Variants in SARS2 observed in about 807,000 individuals in gnomAD.
The protein encoded by SARS2 is serine--tRNA ligase, mitochondrial.
Under a neutral mutation model 66.8 loss-of-function variants are expected in SARS2, and 52 were observed. The observed-to-expected ratio is 0.78, with a 90% CI of 0.62 to 0.98. The LOEUF (loss-of-function observed/expected upper bound fraction) is 0.98, where lower values mean the gene tolerates loss of function less well. SARS2 is among the 50% of genes least tolerant of loss of function. SARS2 has a pLI of 0.00. For missense variants in SARS2, 673 were observed against 706.3 expected (o/e 0.95, Z 0.53); for synonymous variants, 306 against 281.4 (o/e 1.09, Z -0.87).
rs112422782 is a variant in SARS2 at position 38,926,075 on chromosome 19, C to T, written c.363+130G>A. The T allele has an allele frequency of 0.013, 10,665 of 795,538 alleles. 711 individuals carry two copies. In the African/African-American group the frequency reaches 0.15, roughly 11 times the overall value. The allele number at this position is 795,538 out of a possible 1,614,324, so 49.3% of individuals were successfully genotyped here. On this transcript the variant is annotated intron_variant, in intron 2 of 15. Transcript: ENST00000221431. ...AGCTGATCCACCAACCTAGGCCTCC[C>T]GAGTAGCTGGGATTATAGGCGTGAG...
intron 14 of SARS2, 25 bp downstream of exon 14, chr19:38,916,012 G>A (rs535198999): frequency 4.2e-5 from 67 of 1,612,352 alleles, no homozygotes; most frequent in South Asian, 4.4e-5. Context: ...GAGGGCACGC[G>A]GGCAGGAGGC....
intron 8 of SARS2, 67 bp from the exon 9 acceptor site, chr19:38,918,597 CA>C: frequency 1.4e-6 from 2 of 1,406,616 alleles, no homozygotes; most frequent in Non-Finnish European, 1.0e-6. Context: ...TTTACAGTCC[CA>C]ACCCCAGCTC....
intron 2 of SARS2, among the ~76,000 whole-genome samples, chr19:38,922,655 T>C (rs1974558318): frequency 6.6e-6 from 1 of 152,106 alleles, no homozygotes; most frequent in South Asian, 2.1e-4. Flanking sequence ...GGAAGGGACC[T>C]GGTGGGAGGT....
At position 38,921,425 on chromosome 19, in the gene SARS2, C is replaced by G. The variant is rs756223714; in HGVS notation, c.556G>C (p.Ala186Pro). 3 of 1,613,966 alleles carry G rather than the reference C, an allele frequency of 1.9e-6. No individual in the cohort carries two copies. The highest frequency in any genetic ancestry group is 2.2e-5 in the East Asian group (1 of 44,882). ...PDVPVGDESQ[A>P]RVLHMVGDKP... ...TCTCCGACCATGTGGAGCACTCGAG[C>G]CTGGCTCTCATCCCCGACGGGCTGC... Residue 186 changes from alanine (A) to proline (P), a missense_variant, in exon 5 of 16, where the codon GCT becomes CCT. Physicochemically the swap from Ala to Pro is conservative, Grantham distance 27 (BLOSUM62 -1). Coordinates refer to ENST00000221431, the MANE Select transcript of SARS2 (RefSeq NM_017827.4).
chr19:38,915,279 T>G lies in SARS2; in HGVS notation c.*327A>C. The G allele has an allele frequency of 3.7e-5, 18 of 491,554 alleles. No individual in the cohort carries two copies. Among genetic ancestry groups the G allele is most frequent in the Non-Finnish European group, 3.6e-5 (10 of 278,414 alleles). The allele number at this position is 491,554 out of a possible 1,614,324, so 30.4% of individuals were successfully genotyped here. A position where few individuals can be genotyped will look rare whatever the true frequency, so the allele number is the denominator to read the frequency against. On this transcript the variant is annotated 3_prime_UTR_variant, in exon 16 of 16. Transcript: ENST00000221431. ...TCCACAGAGGCCTTTGTCCTGACCA[T>G]TTATTGGGGACTTTTTGCTCAGCAC...
At position 38,920,156 on chromosome 19, in the gene SARS2, G is replaced by A; in HGVS notation, c.590-7C>T. 3.9e-6 allele frequency: 6 copies of A among 1,557,670 alleles called. No individual in the cohort carries two copies. The highest frequency in any genetic ancestry group is 2.4e-5 in the East Asian group (1 of 41,718). On this transcript the variant is annotated splice_polypyrimidine_tract_variant and splice_region_variant and intron_variant, in intron 5 of 15. Transcript: ENST00000221431. ...CGAGGTTGGAAGGAGAAAACTGGATGTGGGTGAAAAGCACCGGTGTAAGGC... is the reference window on the plus strand; with the variant it reads ...CGAGGTTGGAAGGAGAAAACTGGATATGGGTGAAAAGCACCGGTGTAAGGC...
At chr19:38,922,102 C>T in intron 3 of SARS2, 136 bp downstream of exon 3, 2 of 1,600,548 alleles carry the variant, frequency 1.2e-6, no homozygotes, top group South Asian at 2.2e-5. Context: ...TAGTTTCATG[C>T]ATCAATAGAG....
chr19:38,920,111 C>A lies in SARS2; in HGVS notation c.628G>T (p.Glu210Ter), dbSNP rs867710443. The change falls in exon 6 of 16, where the codon GAG becomes TAG. Residue 210 changes from glutamate (E) to a stop codon, truncating the protein, a stop_gained. Transcript: ENST00000221431. LOFTEE classifies it high-confidence loss of function. ...TTCTGACGGATGATGTCGAGTTTCT[C>A]GCCAATTTCCAGGTGGCCCCGAGGT... ...FQPRGHLEIG[E>*]KLDIIRQKRL... 1 of 1,562,272 alleles carries A rather than the reference C, an allele frequency of 6.4e-7. No individual in the cohort carries two copies. Among genetic ancestry groups the A allele is most frequent in the South Asian group, 1.2e-5 (1 of 84,736 alleles).
intron 1 of SARS2, among the ~76,000 whole-genome samples, chr19:38,929,282 T>C (rs1423944897): frequency 2.0e-5 from 3 of 150,648 alleles, no homozygotes; most frequent in East Asian, 3.9e-4. Flanking sequence ...AGTCTGGGTG[T>C]GGTGGCTCAT....
At position 38,918,096 on chromosome 19, in the gene SARS2, G is replaced by A. The variant is rs758199702; in HGVS notation, c.960C>T (p.Val320=). 3.1e-6 allele frequency: 5 copies of A among 1,605,638 alleles called. No individual in the cohort carries two copies. The highest frequency in any genetic ancestry group is 4.3e-6 in the Non-Finnish European group (5 of 1,176,398). The change falls in exon 10 of 16, where the codon GTC becomes GTT. Residue 320 remains valine (V), a splice_region_variant and synonymous_variant. Coordinates refer to ENST00000221431, the MANE Select transcript of SARS2 (RefSeq NM_017827.4). Reference sequence around the variant, plus strand: ...GGTCTAAGGAAACCAGGTGTCACCTGACTGGCAGGTCCCTGAAGGCCACGG... The same window carrying A: ...GGTCTAAGGAAACCAGGTGTCACCTAACTGGCAGGTCCCTGAAGGCCACGG... ...DHTVAFRDLP[V]RMVCSSTCYR...
intron 8 of SARS2, 34 bp from the exon 9 acceptor site, chr19:38,918,564 G>A (rs779662704): frequency 1.3e-6 from 2 of 1,535,982 alleles, no homozygotes; most frequent in Admixed American, 1.7e-5. Flanking sequence ...GGGATCAGGG[G>A]ACAGGTAACC....
intron 7 of SARS2, among the ~76,000 whole-genome samples, chr19:38,919,071 G>A (rs1198543302): frequency 6.6e-6 from 1 of 152,078 alleles, no homozygotes; most frequent in African/African-American, 2.4e-5. Flanking sequence ...TAGCCGGCAT[G>A]GAGATCGTGC....
rs752525142 is a variant in SARS2 at position 38,915,670 on chromosome 19, A to G, written c.1493T>C (p.Leu498Pro). Residue 498 changes from leucine (L) to proline (P), a missense_variant, in exon 16 of 16, where the codon CTC (leucine) becomes CCC (proline). Transcript: ENST00000221431. ...GGGCTGGTTGGGGCCGATGTACTGGAGAGGCACGTGGGTAGGGGCTGTGAT... is the reference window on the plus strand; with the variant it reads ...GGGCTGGTTGGGGCCGATGTACTGGGGAGGCACGTGGGTAGGGGCTGTGAT... ...DRITAPTHVP[L>P]QYIGPNQPRK... is the part of the protein sequence containing the mutation. The G allele has an allele frequency of 1.2e-5, 19 of 1,613,318 alleles. No homozygotes were observed. In the Admixed American group the frequency reaches 3.0e-4, roughly 25 times the overall value.
intron 5 of SARS2, among the ~76,000 whole-genome samples, chr19:38,920,874 GAC>G (rs1243564760): frequency 6.8e-5 from 10 of 148,066 alleles, no homozygotes; most frequent in African/African-American, 1.5e-4. Context: ...CAGATACATA[GAC>G]ACACACAGAC....
intron 2 of SARS2, among the ~76,000 whole-genome samples, chr19:38,925,410 T>C (rs73930232): frequency 0.034 from 5,227 of 152,246 alleles, 333 homozygotes; most frequent in African/African-American, 0.12. Context: ...TCAGGGGAAG[T>C]GGGCCCAGGT....
chr19:38,919,542 T>C (rs932969379), intron 7 of SARS2, among the ~76,000 whole-genome samples: 6 of 152,150 alleles, frequency 3.9e-5, no homozygotes, highest in Admixed American at 2.0e-4. Context: ...GGGCTATAGG[T>C]ACCTCCCCTC....
intron 8 of SARS2, 105 bp from the exon 9 acceptor site, chr19:38,918,635 C>A: frequency 7.2e-7 from 1 of 1,380,204 alleles, no homozygotes; most frequent in Non-Finnish European, 1.0e-6. Flanking sequence ...TGGAGCTGCC[C>A]TGGCCTCCCT....
At chr19:38,916,664 G>GTTTTTT (rs71165593) in intron 12 of SARS2, among the ~76,000 whole-genome samples, 1 of 133,834 alleles carries the variant, frequency 7.5e-6, no homozygotes, top group Non-Finnish European at 1.6e-5. Flanking sequence ...GGCACCCTCG[G>GTTTTTT]TTTTTTTTTT....
At chr19:38,916,823 C>T (rs1056258416) in intron 12 of SARS2, among the ~76,000 whole-genome samples, 10 of 151,884 alleles carry the variant, frequency 6.6e-5, no homozygotes, top group African/African-American at 2.2e-4. Context: ...CCACCATGCC[C>T]GGCTGATTTT....
Sources: allele counts gnomAD v4.1 joint callset (sites outside exome capture counted in the v4.1 genomes callset), GRCh38; gene constraint gnomAD v4.1.1; transcripts MANE v1.5; gene names NCBI Gene and HGNC (gene_info 2026-07-23, HGNC 2026-07-21).